The following MTHFD2L variants were observed in gnomAD, a reference collection of about 807,000 sequenced individuals.
MTHFD2L encodes bifunctional methylenetetrahydrofolate dehydrogenase/cyclohydrolase 2, mitochondrial.
A neutral mutation model predicts 34.9 loss-of-function variants in MTHFD2L; 29 were observed. The observed-to-expected ratio is 0.83, with a 90% confidence interval of 0.62 to 1.13. The LOEUF (loss-of-function observed/expected upper bound fraction) is 1.13, where lower values mean the gene tolerates loss of function less well. MTHFD2L is among the 50% of genes most tolerant of loss of function. The probability of loss-of-function intolerance (pLI) is 0.00; values close to 1 mark genes in which losing one functional copy is unlikely to be tolerated. For missense variants in MTHFD2L, 481 were observed against 446.5 expected, an observed-to-expected ratio of 1.08 and a Z score of -0.70; for synonymous variants, 167 against 155.7, an observed-to-expected ratio of 1.07 and a Z score of -0.54.
intron 6 of MTHFD2L, among the ~76,000 whole-genome samples, chr4:74,270,843 A>G (rs1745885495): frequency 6.6e-6 from 1 of 151,846 alleles, no homozygotes; most frequent in Admixed American, 6.6e-5. Flanking sequence ...TTGTTTCCTG[A>G]CTTTTTAATG....
chr4:74,173,097 A>T (rs1025247365), intron 1 of MTHFD2L, among the ~76,000 whole-genome samples: 14 of 152,050 alleles, frequency 9.2e-5, no homozygotes, highest in Admixed American at 7.9e-4. Context: ...TTATTTACCT[A>T]CATTTGATGT....
At chr4:74,193,605 A>G (rs1465335174) in intron 3 of MTHFD2L, among the ~76,000 whole-genome samples, 1 of 152,158 alleles carries the variant, frequency 6.6e-6, no homozygotes, top group Non-Finnish European at 1.5e-5. Context: ...ATTTGTCAGC[A>G]GTCTTTTGTA....
chr4:74,287,754 A>T (rs1164242040), intron 7 of MTHFD2L, among the ~76,000 whole-genome samples: 1 of 152,144 alleles, frequency 6.6e-6, no homozygotes, highest in African/African-American at 2.4e-5. Flanking sequence ...CTCAAAAAAT[A>T]AGATAATTTG....
At chr4:74,147,729 A>G (rs1461878496) in intron 1 of MTHFD2L, among the ~76,000 whole-genome samples, 1 of 152,174 alleles carries the variant, frequency 6.6e-6, no homozygotes, top group East Asian at 1.9e-4. Flanking sequence ...CCTAACGGAC[A>G]TGAGGTGGTA....
At position 74,116,109 on chromosome 4, in the gene MTHFD2L, G is replaced by A. The variant is rs77361583; in HGVS notation, c.-144+1452G>A. Among the ~76,000 whole-genome samples, 276 of 152,216 alleles carry A rather than the reference G, an allele frequency of 1.8e-3. 1 individual carries two copies. The highest frequency in any genetic ancestry group is 6.5e-3 in the African/African-American group (272 of 41,542). On this transcript the variant is annotated intron_variant and NMD_transcript_variant, in intron 2 of 9. Transcript: ENST00000429519. ...AATAATATTCTCCACACTAGCTCCT[G>A]GATCTGTGCATTTCAACCTTGTCTC... is the stretch of plus-strand genomic sequence containing the variant.
chr4:74,129,397 T>C lies in MTHFD2L; in HGVS notation c.-297+3880T>C, dbSNP rs537139253. On this transcript the variant is annotated intron_variant, in intron 1 of 7. Coordinates refer to the MTHFD2L transcript ENST00000433372. ...ACAGTAATCATAATAAACAGACTCT[T>C]GGACCACAGTGCAATCAAATTAGAA... Among the ~76,000 whole-genome samples the C allele has an allele frequency of 1.8e-3, 269 of 152,156 alleles. 2 individuals are homozygous for C. The highest frequency in any genetic ancestry group is 6.0e-3 in the African/African-American group (249 of 41,542).
chr4:74,243,228 A>C (rs752308108), intron 6 of MTHFD2L, among the ~76,000 whole-genome samples: 2 of 152,194 alleles, frequency 1.3e-5, no homozygotes, highest in Non-Finnish European at 2.9e-5. Flanking sequence ...TGTTTTAACT[A>C]TGCATAAATC....
At chr4:74,115,727 C>T (rs1017844754) in intron 2 of MTHFD2L, among the ~76,000 whole-genome samples, 6 of 152,102 alleles carry the variant, frequency 3.9e-5, no homozygotes, top group Admixed American at 3.9e-4. Context: ...AAGAAATACT[C>T]GTGTATATTA....
chr4:74,195,181 G>A (rs189373885), intron 3 of MTHFD2L: 3 of 152,290 alleles, frequency 2.0e-5, no homozygotes, highest in African/African-American at 4.8e-5. Flanking sequence ...GAGAGAAGAC[G>A]AGAGTAACCA....
At chr4:74,286,242 C>T (rs191260980) in intron 7 of MTHFD2L, among the ~76,000 whole-genome samples, 2 of 152,240 alleles carry the variant, frequency 1.3e-5, no homozygotes, top group East Asian at 3.9e-4. Context: ...TATTTAAAAC[C>T]ATCTGTGATA....
At chr4:74,301,391 C>T (rs1750297879) in intron 7 of MTHFD2L, among the ~76,000 whole-genome samples, 1 of 151,974 alleles carries the variant, frequency 6.6e-6, no homozygotes, top group African/African-American at 2.4e-5. Context: ...ACTAGAATTA[C>T]AGGTAACTGG....
At chr4:74,211,588 G>A (rs1736334590) in intron 5 of MTHFD2L, among the ~76,000 whole-genome samples, 1 of 152,154 alleles carries the variant, frequency 6.6e-6, no homozygotes, top group East Asian at 1.9e-4. Context: ...TTGTTTGCCA[G>A]TATTTTACTG....
upstream of MTHFD2L, among the ~76,000 whole-genome samples, chr4:74,121,066 A>C (rs1260962529): frequency 6.6e-6 from 1 of 152,200 alleles, no homozygotes; most frequent in Non-Finnish European, 1.5e-5. Flanking sequence ...CAAAATTAGC[A>C]AAGATTTTGA....
intron 7 of MTHFD2L, among the ~76,000 whole-genome samples, chr4:74,294,180 A>G (rs919032900): frequency 6.6e-6 from 1 of 152,184 alleles, no homozygotes; most frequent in Non-Finnish European, 1.5e-5. Flanking sequence ...AAATAAATTT[A>G]TAGAGAACAA....
chr4:74,300,929 G>C (rs1460088243), intron 7 of MTHFD2L, among the ~76,000 whole-genome samples: 9 of 152,032 alleles, frequency 5.9e-5, no homozygotes, highest in African/African-American at 2.2e-4. Context: ...AGTATTGGTT[G>C]ATCATGGTTG....
intron 6 of MTHFD2L, among the ~76,000 whole-genome samples, chr4:74,227,736 A>G (rs925344383): frequency 1.3e-5 from 2 of 152,220 alleles, no homozygotes; most frequent in Admixed American, 6.5e-5. Context: ...AGAATGGCTG[A>G]CAGCAGATCA....
intron 1 of MTHFD2L, among the ~76,000 whole-genome samples, chr4:74,147,804 G>A (rs1401880401): frequency 1.3e-5 from 2 of 151,708 alleles, no homozygotes; most frequent in Non-Finnish European, 2.9e-5. Context: ...TTTTTTTATT[G>A]GCCATTTGGA....
chr4:74,129,218 T>C (rs1479969359), intron 1 of MTHFD2L, among the ~76,000 whole-genome samples: 1 of 152,090 alleles, frequency 6.6e-6, no homozygotes, highest in Non-Finnish European at 1.5e-5. Flanking sequence ...ATTCAGGACT[T>C]GAACTCAGCT....
intron 6 of MTHFD2L, among the ~76,000 whole-genome samples, chr4:74,230,163 A>G (rs1374750173): frequency 6.6e-6 from 1 of 152,218 alleles, no homozygotes; most frequent in Non-Finnish European, 1.5e-5. Context: ...GGAACTACCA[A>G]ATTATTCCAG....
Sources: gnomAD v4.1 joint callset for allele counts (sites outside exome capture counted in the v4.1 genomes callset) on GRCh38, gnomAD v4.1.1 for gene constraint, MANE v1.5 for transcripts, NCBI Gene and HGNC (gene_info 2026-07-23, HGNC 2026-07-21) for gene names.